The following CDH4 variants were observed in gnomAD, a reference collection of about 807,000 sequenced individuals.
CDH4 encodes the protein cadherin-4.
A neutral mutation model predicts 86.0 loss-of-function variants in CDH4; 33 were observed. The observed-to-expected ratio is 0.38, with a 90% CI of 0.29 to 0.51. The LOEUF is 0.51. Among genes scored for constraint, CDH4 ranks in the 20% least tolerant of loss-of-function variants. The pLI, the probability that CDH4 is intolerant of heterozygous loss-of-function variation, is 0.86. For synonymous variants in CDH4, 555 were observed against 549.4 expected (o/e 1.01, Z -0.14); for missense variants, 1,114 against 1,307.4 (o/e 0.85, Z 2.28).
At chr20:61,645,083 A>G (rs552590679) in intron 2 of CDH4, among the ~76,000 whole-genome samples, 1 of 152,304 alleles carries the variant, frequency 6.6e-6, no homozygotes, top group African/African-American at 2.4e-5. Flanking sequence ...TTAACCTTCA[A>G]TACTTCCTTG....
intron 2 of CDH4, among the ~76,000 whole-genome samples, chr20:61,474,364 G>A (rs1302108461): frequency 6.9e-6 from 1 of 144,954 alleles, no homozygotes; most frequent in Non-Finnish European, 1.5e-5. Flanking sequence ...TAGCAGAGAT[G>A]GGGTTTCACC....
intron 2 of CDH4, among the ~76,000 whole-genome samples, chr20:61,682,352 G>A (rs1285033143): frequency 2.9e-5 from 4 of 136,160 alleles, no homozygotes; most frequent in Admixed American, 1.4e-4. Flanking sequence ...AGAGATAGAT[G>A]AATGGATGGA....
chr20:61,774,549 C>T (rs2088815859), intron 4 of CDH4, among the ~76,000 whole-genome samples: 1 of 152,186 alleles, frequency 6.6e-6, no homozygotes, highest in African/African-American at 2.4e-5. Context: ...TTCAGGGGTA[C>T]ATGTATAGGA....
In CDH4 at chr20:61,468,362, TTCTTTC is replaced by T. The variant is rs1033480608; in HGVS notation, c.169+213439_169+213444del. On this transcript the variant is annotated intron_variant, in intron 2 of 15. Transcript: ENST00000614565. Reference sequence around the variant, plus strand: ...AGACCTCTCTTTGGGTAAGGTTAAATTCTTTCTCTTTCTCTTTCTTTCTTTGGCTTT... The same window carrying T: ...AGACCTCTCTTTGGGTAAGGTTAAATTCTTTCTCTTTCTTTCTTTGGCTTT... Among the ~76,000 whole-genome samples the T allele has an allele frequency of 5.5e-5, 3 of 54,354 alleles. No homozygotes were observed. In the African/African-American group the frequency reaches 7.7e-4, roughly 14 times the overall value. The allele number at this position is 54,354 out of a possible 152,430, so 35.7% of individuals were successfully genotyped here.
rs67869250 is a variant in CDH4, at chr20:61,666,148, A to T, written c.170-77415A>T. ...TTAATCCTGGCTTGCAAGTAAGGCC[A>T]TGGCCTCCTGCCCTCATCGTCAGGC... On this transcript the variant is annotated intron_variant, in intron 2 of 15. Transcript: ENST00000614565. 7.9e-5 allele frequency among the ~76,000 whole-genome samples: 12 copies of T among 151,954 alleles called. 1 individual carries two copies. Among genetic ancestry groups the T allele is most frequent in the Admixed American group, 1.3e-4 (2 of 15,272 alleles).
At chr20:61,794,373 G>A (rs1164426678) in intron 4 of CDH4, among the ~76,000 whole-genome samples, 1 of 152,140 alleles carries the variant, frequency 6.6e-6, no homozygotes, top group African/African-American at 2.4e-5. Flanking sequence ...CACTAAGCCA[G>A]CCCTGGGAAC....
chr20:61,294,327 G>C (rs904094904), intron 2 of CDH4, among the ~76,000 whole-genome samples: 1 of 152,182 alleles, frequency 6.6e-6, no homozygotes, highest in African/African-American at 2.4e-5. Flanking sequence ...GGGGCAACGG[G>C]GGTGAAGTCT....
At chr20:61,583,021 A>G (rs937138384) in intron 2 of CDH4, among the ~76,000 whole-genome samples, 1 of 151,566 alleles carries the variant, frequency 6.6e-6, no homozygotes, top group African/African-American at 2.4e-5. Flanking sequence ...GCATGAGAGA[A>G]TTGTACAGTG....
intron 3 of CDH4, among the ~76,000 whole-genome samples, chr20:61,770,878 G>A (rs958702905): frequency 7.2e-5 from 8 of 110,940 alleles, no homozygotes; most frequent in African/African-American, 9.7e-5. Context: ...GCGAGACTCC[G>A]TCTCAAAAAA....
At chr20:61,534,795 T>C (rs73914819) in intron 2 of CDH4, among the ~76,000 whole-genome samples, 5,838 of 79,458 alleles carry the variant, frequency 0.073, 72 homozygotes, top group East Asian at 0.24. Flanking sequence ...GAGATGCCTG[T>C]TCATCCTCAA....
At chr20:61,325,497 G>A (rs1282193682) in intron 2 of CDH4, among the ~76,000 whole-genome samples, 1 of 152,080 alleles carries the variant, frequency 6.6e-6, no homozygotes, top group Non-Finnish European at 1.5e-5. Flanking sequence ...CAGAACGGGA[G>A]GGGTGTGTTT....
At chr20:61,792,672 T>G (rs1979266373) in intron 4 of CDH4, among the ~76,000 whole-genome samples, 1 of 151,484 alleles carries the variant, frequency 6.6e-6, no homozygotes, top group Admixed American at 6.6e-5. Flanking sequence ...TTTTTTGAGA[T>G]GGGGTCTTGC....
At position 61,729,397 on chromosome 20, in the gene CDH4, C is replaced by T. The variant is rs535200880; in HGVS notation, c.170-14166C>T. Among the ~76,000 whole-genome samples, 4 of 152,338 alleles carry T rather than the reference C, an allele frequency of 2.6e-5. No individual in the cohort carries two copies. The South Asian group carries it at 8.3e-4, about 32-fold the overall frequency. ...ACCTGCCTCAGAATGTGGCCCTTCC[C>T]TGCGGCCCCCTCTTCTGTATCTCCC... On this transcript the variant is annotated intron_variant, in intron 2 of 15. Coordinates refer to ENST00000614565, the MANE Select transcript of CDH4 (RefSeq NM_001794.5).
chr20:61,843,917 C>T lies in CDH4; in HGVS notation c.577-751C>T, dbSNP rs538392249. 2.0e-5 allele frequency among the ~76,000 whole-genome samples: 3 copies of T among 152,312 alleles called. No individual in the cohort carries two copies. The East Asian group carries it at 5.8e-4, about 29-fold the overall frequency. On this transcript the variant is annotated intron_variant, in intron 4 of 15. Coordinates refer to ENST00000614565, the MANE Select transcript of CDH4 (RefSeq NM_001794.5). ...CTCCCCCAACTTCCCTGAGGGAACC[C>T]CCAGGCTCTGGGAAGCGCCACTCAC...
intron 2 of CDH4, among the ~76,000 whole-genome samples, chr20:61,574,879 C>A (rs1236696021): frequency 6.6e-6 from 1 of 152,176 alleles, no homozygotes; most frequent in Admixed American, 6.5e-5. Context: ...AAGCAGTGTT[C>A]CAGTGAGTGG....
intron 2 of CDH4, among the ~76,000 whole-genome samples, chr20:61,522,983 C>A (rs114004190): frequency 0.046 from 7,072 of 152,272 alleles, 504 homozygotes; most frequent in African/African-American, 0.16. Flanking sequence ...ATGTGGCCTG[C>A]AGACCAGTTG....
At chr20:61,273,235 G>A (rs2084195384) in intron 2 of CDH4, among the ~76,000 whole-genome samples, 1 of 132,558 alleles carries the variant, frequency 7.5e-6, no homozygotes. Context: ...GCAGTTTGGG[G>A]GAGTACAGTG....
intron 2 of CDH4, among the ~76,000 whole-genome samples, chr20:61,404,483 C>G (rs1404283533): frequency 6.6e-6 from 1 of 152,148 alleles, no homozygotes; most frequent in African/African-American, 2.4e-5. Flanking sequence ...CCCAGTGCAC[C>G]TGGCTCCGGC....
intron 4 of CDH4, among the ~76,000 whole-genome samples, chr20:61,825,439 T>C (rs1350553328): frequency 6.6e-6 from 1 of 152,094 alleles, no homozygotes; most frequent in East Asian, 1.9e-4. Context: ...CAAAATAGAC[T>C]GATAGACCTA....
Sources: allele counts gnomAD v4.1 joint callset (sites outside exome capture counted in the v4.1 genomes callset), GRCh38; gene constraint gnomAD v4.1.1; transcripts MANE v1.5; gene names NCBI Gene and HGNC (gene_info 2026-07-23, HGNC 2026-07-21).